MYT1L: variants seen among roughly 807,000 people sequenced by gnomAD.
MYT1L encodes the protein myelin transcription factor 1-like protein.
A neutral mutation model predicts 126.7 loss-of-function variants in MYT1L; 12 were observed. The ratio of observed to expected loss-of-function variants is 0.09; its 90% CI spans 0.06 to 0.15. The LOEUF (loss-of-function observed/expected upper bound fraction) is 0.15. MYT1L is among the 10% of genes least tolerant of loss of function. MYT1L has a pLI of 1.00. For synonymous variants in MYT1L, 541 were observed against 604.2 expected (o/e 0.90, Z 1.53); for missense variants, 979 against 1,585.2 (o/e 0.62, Z 6.49).
At chr2:2,165,105 T>C (rs896228197) in intron 3 of MYT1L, among the ~76,000 whole-genome samples, 1 of 152,176 alleles carries the variant, frequency 6.6e-6, no homozygotes, top group Admixed American at 6.6e-5. Context: ...GCACCAGAAG[T>C]GGAGCTCACG....
At chr2:2,144,227 G>C (rs1245942591) in intron 3 of MYT1L, among the ~76,000 whole-genome samples, 1 of 152,136 alleles carries the variant, frequency 6.6e-6, no homozygotes, top group Non-Finnish European at 1.5e-5. Context: ...CCTCCCTCCT[G>C]CTCTGCCCTC....
intron 1 of MYT1L, chr2:2,325,528 T>C (rs1350793169): frequency 5.9e-5 from 9 of 152,242 alleles, no homozygotes; most frequent in African/African-American, 9.6e-5. Context: ...TGATGTTCAT[T>C]AGCATTTTTT....
chr2:2,293,012 G>T lies in MYT1L; in HGVS notation c.-520-8509C>A, dbSNP rs34122978. On this transcript the variant is annotated intron_variant, in intron 1 of 24. Transcript: ENST00000647738. ...TGTTTATGTTTCATTTGCAAGTTCT[G>T]CTTACAGAGAAAATCTGAAGTCATA... Among the ~76,000 whole-genome samples the T allele has an allele frequency of 6.8e-3, 1,040 of 152,266 alleles. 8 individuals are homozygous for T. Among genetic ancestry groups the T allele is most frequent in the Middle Eastern group, 0.02 (6 of 294 alleles).
chr2:1,996,652 T>TAGTG (rs1280985064), intron 5 of MYT1L, among the ~76,000 whole-genome samples: 17 of 93,352 alleles, frequency 1.8e-4, no homozygotes, highest in African/African-American at 5.2e-4. Context: ...CGCCTTTACC[T>TAGTG]AGTGAGGGCC....
At chr2:1,814,677 G>A (rs773862161) in intron 21 of MYT1L, among the ~76,000 whole-genome samples, 41 of 152,258 alleles carry the variant, frequency 2.7e-4, no homozygotes, top group Admixed American at 9.2e-4. Flanking sequence ...GGGTCTTGCC[G>A]CAGAATTTTT....
At chr2:2,015,577 A>G (rs753254621) in intron 4 of MYT1L, among the ~76,000 whole-genome samples, 31 of 152,200 alleles carry the variant, frequency 2.0e-4, no homozygotes, top group Non-Finnish European at 4.1e-4. Context: ...GCAAGGCATT[A>G]TATGAATTAC....
At chr2:1,990,809 T>C (rs536194894) in intron 5 of MYT1L, among the ~76,000 whole-genome samples, 6 of 152,162 alleles carry the variant, frequency 3.9e-5, no homozygotes, top group Admixed American at 2.0e-4. Context: ...GCCCTCAGCG[T>C]CCATTGCCAC....
chr2:1,920,644 A>C (rs1367981936), intron 10 of MYT1L, among the ~76,000 whole-genome samples: 3 of 152,234 alleles, frequency 2.0e-5, no homozygotes, highest in Admixed American at 6.5e-5. Context: ...CATGAAAAGA[A>C]GACACTATTT....
intron 4 of MYT1L, among the ~76,000 whole-genome samples, chr2:2,047,360 A>T: frequency 6.6e-6 from 1 of 152,194 alleles, no homozygotes; most frequent in East Asian, 1.9e-4. Context: ...CATGATTTTT[A>T]TCCTGGTCAA....
At chr2:2,054,840 G>A (rs1204533009) in intron 3 of MYT1L, among the ~76,000 whole-genome samples, 2 of 151,216 alleles carry the variant, frequency 1.3e-5, no homozygotes, top group Admixed American at 1.3e-4. Context: ...GATGATGAGA[G>A]GTATGGAGAT....
At chr2:2,301,599 C>T (rs1307744430) in intron 1 of MYT1L, among the ~76,000 whole-genome samples, 1 of 152,034 alleles carries the variant, frequency 6.6e-6, no homozygotes, top group African/African-American at 2.4e-5. Context: ...GAGGCTGAGG[C>T]AGTAGGATCA....
intron 4 of MYT1L, among the ~76,000 whole-genome samples, chr2:2,039,010 T>C (rs1028030829): frequency 1.3e-5 from 2 of 152,198 alleles, no homozygotes; most frequent in Non-Finnish European, 2.9e-5. Context: ...TCTCTGCCGA[T>C]GAGGCACTGT....
chr2:2,115,171 T>A (rs540788752), intron 3 of MYT1L, among the ~76,000 whole-genome samples: 2 of 152,350 alleles, frequency 1.3e-5, no homozygotes, highest in East Asian at 3.9e-4. Context: ...ACTCTCCATC[T>A]GCTTTAGTTT....
rs755973131 is a variant in MYT1L, at chr2:1,839,286, C to T, written c.2943G>A (p.Ala981=). The change falls in exon 21 of 25, where the codon GCG becomes GCA. Residue 981 remains alanine, a synonymous_variant. Transcript: ENST00000647738. ...SHRSASGCPL[A]AKRQKDGYLN... ...GGTACCCGTCTTTCTGCCTCTTGGC[C>T]GCCAAGGGGCACCCGGAGGCGCTGC... 2.5e-5 allele frequency: 41 copies of T among 1,613,580 alleles called. No homozygotes were observed. Among genetic ancestry groups the T allele is most frequent in the Middle Eastern group, 1.6e-4 (1 of 6,084 alleles).
intron 3 of MYT1L, among the ~76,000 whole-genome samples, chr2:2,156,032 G>A (rs75609205): frequency 0.022 from 3,392 of 152,212 alleles, 68 homozygotes; most frequent in South Asian, 0.046. Context: ...AAGCACTCTC[G>A]GCTGCAGAAT....
chr2:1,801,754 T>C lies in MYT1L; in HGVS notation c.3218A>G (p.Lys1073Arg). 8 of 1,612,162 alleles carry C rather than the reference T, an allele frequency of 5.0e-6. No individual in the cohort carries two copies. Among genetic ancestry groups the C allele is most frequent in the Non-Finnish European group, 5.9e-6 (7 of 1,178,802 alleles). Residue 1073 changes from lysine to arginine, a missense_variant, in exon 23 of 25, where the codon AAG becomes AGG. Around this residue, in one of 12 missense-constraint regions of MYT1L, gnomAD observed 179 missense variants for 398.6 expected, o/e 0.45. Coordinates refer to ENST00000647738, the MANE Select transcript of MYT1L (RefSeq NM_001303052.2). The surrounding 1 kb of genome is among the most constrained non-coding windows in gnomAD (Gnocchi z 4.2). ...CTGGGAATTGGATTCATTTAGCTCC[T>C]TGATTTCTTCATCTAACTGTTTGAT... is the stretch of plus-strand genomic sequence containing the variant. Reference protein sequence around the residue: ...EEIKQLDEEIKELNESNSQME... With the variant: ...EEIKQLDEEIRELNESNSQME...
intron 22 of MYT1L, among the ~76,000 whole-genome samples, chr2:1,804,762 C>CT (rs1378275388): frequency 6.6e-6 from 1 of 152,094 alleles, no homozygotes; most frequent in East Asian, 1.9e-4. Context: ...TGAATAGAAA[C>CT]GTGAGTTCCC....
At chr2:1,993,309 G>A (rs2061584734) in intron 5 of MYT1L, among the ~76,000 whole-genome samples, 1 of 152,124 alleles carries the variant, frequency 6.6e-6, no homozygotes, top group Non-Finnish European at 1.5e-5. Context: ...GTGGGGATTG[G>A]GCAGCCGCTG....
At chr2:1,838,910 T>G (rs998306828) in intron 21 of MYT1L, among the ~76,000 whole-genome samples, 1 of 152,218 alleles carries the variant, frequency 6.6e-6, no homozygotes, top group Non-Finnish European at 1.5e-5. Context: ...AACGGAAAAC[T>G]GCTGTGGTCA....
Sources: gnomAD v4.1 joint callset for allele counts (sites outside exome capture counted in the v4.1 genomes callset) on GRCh38, gnomAD v4.1.1 for gene constraint, gnomAD v4.1.1 regional missense constraint, Gnocchi (gnomAD v3.1) non-coding constraint, MANE v1.5 for transcripts, NCBI Gene and HGNC (gene_info 2026-07-23, HGNC 2026-07-21) for gene names.